The following C8orf34 variants were observed in gnomAD, a reference collection of about 807,000 sequenced individuals.
The protein encoded by C8orf34 is uncharacterized protein C8orf34.
A neutral mutation model predicts 68.3 loss-of-function variants in C8orf34; 65 were observed. The ratio of observed to expected loss-of-function variants is 0.95; its 90% CI spans 0.78 to 1.17. The LOEUF is 1.17. C8orf34 is among the 50% of genes most tolerant of loss of function. C8orf34 has a pLI of 0.00. For missense variants in C8orf34, 664 were observed against 655.4 expected (o/e 1.01, Z -0.14); for synonymous variants, 244 against 241.2 (o/e 1.01, Z -0.11).
chr8:68,339,595 T>TC (rs1805988500), intron 1 of C8orf34, among the ~76,000 whole-genome samples: 1 of 151,984 alleles, frequency 6.6e-6, no homozygotes, highest in Non-Finnish European at 1.5e-5. Context: ...CTACCTGACT[T>TC]CAACAGTCAT....
intron 13 of C8orf34, 135 bp from the exon 14 acceptor site, chr8:68,818,104 A>T (rs1412767627): frequency 2.6e-6 from 2 of 760,968 alleles, no homozygotes; most frequent in Non-Finnish European, 4.4e-6. Flanking sequence ...TAGAGGTAGT[A>T]TTCTAATGTC....
At chr8:68,333,798 A>G (rs1205846896) in intron 1 of C8orf34, among the ~76,000 whole-genome samples, 2 of 152,174 alleles carry the variant, frequency 1.3e-5, no homozygotes, top group African/African-American at 4.8e-5. Flanking sequence ...ATCTCCTTTT[A>G]CCACTCACAA....
At chr8:68,515,693 G>A (rs971795132) in intron 5 of C8orf34, among the ~76,000 whole-genome samples, 1 of 152,168 alleles carries the variant, frequency 6.6e-6, no homozygotes, top group Non-Finnish European at 1.5e-5. Context: ...TGACTAGTAA[G>A]ATGCAGATGG....
intron 1 of C8orf34, among the ~76,000 whole-genome samples, chr8:68,434,409 T>G (rs955798712): frequency 2.0e-4 from 31 of 152,174 alleles, no homozygotes; most frequent in African/African-American, 7.2e-4. Flanking sequence ...GTATTTGGTT[T>G]TCTGTTCCTG....
intron 1 of C8orf34, among the ~76,000 whole-genome samples, chr8:68,394,334 C>T (rs989133196): frequency 2.7e-5 from 4 of 147,724 alleles, no homozygotes; most frequent in Non-Finnish European, 5.9e-5. Flanking sequence ...TGAGAATATG[C>T]GGTGTTTGTT....
chr8:68,649,708 G>C (rs1819286249), intron 8 of C8orf34, among the ~76,000 whole-genome samples: 1 of 152,162 alleles, frequency 6.6e-6, no homozygotes, highest in African/African-American at 2.4e-5. Context: ...ATAGGGGAGG[G>C]AGGGCCTTTT....
intron 8 of C8orf34, among the ~76,000 whole-genome samples, chr8:68,665,000 A>G (rs996969365): frequency 6.6e-6 from 1 of 152,252 alleles, no homozygotes; most frequent in Non-Finnish European, 1.5e-5. Flanking sequence ...TTTATAAAAG[A>G]ATTATCCAAC....
At chr8:68,358,728 C>T (rs1806855910) in intron 1 of C8orf34, among the ~76,000 whole-genome samples, 2 of 149,690 alleles carry the variant, frequency 1.3e-5, no homozygotes, top group African/African-American at 2.5e-5. Context: ...TTTTTTGAGA[C>T]AGAGTCTCGC....
rs548034824 is a variant in C8orf34 at position 68,611,420 on chromosome 8, A to C, written c.1106-28956A>C. Among the ~76,000 whole-genome samples, 33 of 152,322 alleles carry C rather than the reference A, an allele frequency of 2.2e-4. No homozygotes were observed. The South Asian group carries it at 6.6e-3, about 31-fold the overall frequency. ...GGCTTGGGTAAAATACTTTGATTTC[A>C]AGAGGTCCTCTCTAGGATTGTTAGC... On this transcript the variant is annotated intron_variant, in intron 7 of 13. Transcript: ENST00000518698.
intron 1 of C8orf34, among the ~76,000 whole-genome samples, chr8:68,349,987 T>C (rs1806444169): frequency 6.6e-6 from 1 of 151,956 alleles, no homozygotes; most frequent in Non-Finnish European, 1.5e-5. Context: ...TGAGTTTTGT[T>C]ATTTCTCATC....
chr8:68,376,423 T>G (rs1370471340), intron 1 of C8orf34, among the ~76,000 whole-genome samples: 1 of 152,020 alleles, frequency 6.6e-6, no homozygotes, highest in East Asian at 1.9e-4. Context: ...TATGGGGAGA[T>G]GTTTGGCCTA....
At chr8:68,393,439 A>G (rs749118008) in intron 1 of C8orf34, among the ~76,000 whole-genome samples, 2 of 152,110 alleles carry the variant, frequency 1.3e-5, no homozygotes, top group Non-Finnish European at 2.9e-5. Flanking sequence ...ATAATGAGGA[A>G]TTTGACAGTC....
At chr8:68,385,272 G>C (rs562169373) in intron 1 of C8orf34, among the ~76,000 whole-genome samples, 1 of 152,190 alleles carries the variant, frequency 6.6e-6, no homozygotes, top group South Asian at 2.1e-4. Context: ...CTTGTCCAAG[G>C]TCACACACCA....
chr8:68,688,762 C>T (rs1820600523), intron 8 of C8orf34, among the ~76,000 whole-genome samples: 1 of 152,046 alleles, frequency 6.6e-6, no homozygotes, highest in Non-Finnish European at 1.5e-5. Flanking sequence ...CATGTTCTCA[C>T]TCATAAGTGG....
chr8:68,369,743 C>G (rs138082805), intron 1 of C8orf34, among the ~76,000 whole-genome samples: 5 of 152,338 alleles, frequency 3.3e-5, no homozygotes, highest in African/African-American at 1.2e-4. Flanking sequence ...TCTGGAGAAG[C>G]AGACAGGACT....
intron 7 of C8orf34, among the ~76,000 whole-genome samples, chr8:68,539,542 A>G (rs1815621064): frequency 6.6e-6 from 1 of 152,180 alleles, no homozygotes; most frequent in African/African-American, 2.4e-5. Flanking sequence ...AAATATCTCT[A>G]AATAGAAACC....
intron 7 of C8orf34, among the ~76,000 whole-genome samples, chr8:68,551,536 C>A (rs1248007392): frequency 7.9e-5 from 12 of 152,040 alleles, no homozygotes; most frequent in Admixed American, 7.9e-4. Context: ...CCTCTCTCTT[C>A]AGGCTATAGG....
chr8:68,447,474 A>C (rs1162930559), intron 3 of C8orf34: 1 of 152,204 alleles, frequency 6.6e-6, no homozygotes, highest in African/African-American at 2.4e-5. Context: ...CAAAAATCTC[A>C]GGAGCCTCTA....
intron 9 of C8orf34, among the ~76,000 whole-genome samples, chr8:68,713,436 G>C (rs1821382341): frequency 6.6e-6 from 1 of 152,010 alleles, no homozygotes; most frequent in South Asian, 2.1e-4. Context: ...AAAGAAGAGA[G>C]AAGATGCAAA....
Sources: allele counts gnomAD v4.1 joint callset (sites outside exome capture counted in the v4.1 genomes callset), GRCh38; gene constraint gnomAD v4.1.1; transcripts MANE v1.5; gene names NCBI Gene and HGNC (gene_info 2026-07-23, HGNC 2026-07-21).